FAM219A: variants seen among roughly 807,000 people sequenced by gnomAD.
FAM219A encodes family with sequence similarity 219 member A, also known as protein FAM219A.
FAM219A carries 7 observed loss-of-function variants against 23.4 expected under a neutral mutation model. The ratio of observed to expected loss-of-function variants is 0.30; its 90% confidence interval spans 0.17 to 0.56. FAM219A has a LOEUF of 0.56. FAM219A is among the 20% of genes least tolerant of loss of function. The pLI is 0.92. For missense variants in FAM219A, 166 were observed against 246.9 expected, an observed-to-expected ratio of 0.67 and a Z score of 2.20; for synonymous variants, 93 against 99.0, an observed-to-expected ratio of 0.94 and a Z score of 0.36.
At chr9:34,448,994 G>GAA (rs55976326) in intron 1 of FAM219A, among the ~76,000 whole-genome samples, 104 of 142,472 alleles carry the variant, frequency 7.3e-4, no homozygotes, top group Admixed American at 1.4e-3. Flanking sequence ...AAAACTATCG[G>GAA]AAAAAAAAAA....
chr9:34,400,846 TGGCGGCTGTAGG>T lies in FAM219A; in HGVS notation c.*106_*117del, dbSNP rs1382636398. The T allele has an allele frequency of 1.4e-5, 15 of 1,036,642 alleles. No homozygotes were observed. Among genetic ancestry groups the T allele is most frequent in the African/African-American group, 1.7e-5 (1 of 59,736 alleles). 64.2% of individuals were successfully genotyped at this position (1,036,642 alleles called of 1,614,324 possible). A position where few individuals can be genotyped will look rare whatever the true frequency, so the allele number is the denominator to read the frequency against. On this transcript the variant is annotated 3_prime_UTR_variant, in exon 6 of 6. Coordinates refer to ENST00000651358, the MANE Select transcript of FAM219A (RefSeq NM_001184940.2). ...GGAAGCAATGACTGTTATACGAGGT[TGGCGGCTGTAGG>T]GGCGCGGGGCCGGGGGCAGGCAGAC...
chr9:34,416,713 G>A (rs995007054), intron 1 of FAM219A, among the ~76,000 whole-genome samples: 1 of 150,326 alleles, frequency 6.7e-6, no homozygotes, highest in Non-Finnish European at 1.5e-5. Context: ...ACTTCAGCCT[G>A]GGCAACAAAG....
chr9:34,403,760 G>A (rs1821534600), intron 2 of FAM219A, among the ~76,000 whole-genome samples: 1 of 152,178 alleles, frequency 6.6e-6, no homozygotes, highest in Admixed American at 6.6e-5. Context: ...GGGACACTAG[G>A]GAAAATGACT....
At chr9:34,438,555 T>C (rs1316073979) in intron 1 of FAM219A, among the ~76,000 whole-genome samples, 1 of 152,158 alleles carries the variant, frequency 6.6e-6, no homozygotes, top group African/African-American at 2.4e-5. Context: ...TTGGAGAACC[T>C]TTATGTCTAG....
chr9:34,432,064 T>C (rs1258595021), intron 1 of FAM219A, among the ~76,000 whole-genome samples: 2 of 152,242 alleles, frequency 1.3e-5, no homozygotes, highest in Non-Finnish European at 2.9e-5. Context: ...ATAGTACCTG[T>C]AGCTTCCAGC....
intron 1 of FAM219A, among the ~76,000 whole-genome samples, chr9:34,414,779 T>C (rs757358468): frequency 2.0e-5 from 3 of 152,174 alleles, no homozygotes; most frequent in Non-Finnish European, 4.4e-5. Context: ...AGTCTTCTCT[T>C]ATCAGTCTAA....
intron 1 of FAM219A, among the ~76,000 whole-genome samples, chr9:34,443,772 C>T (rs1324022223): frequency 6.6e-6 from 1 of 152,116 alleles, no homozygotes; most frequent in Non-Finnish European, 1.5e-5. Flanking sequence ...TTTCCCCACC[C>T]CCTCAAGCAT....
chr9:34,443,892 G>C (rs1185868697), intron 1 of FAM219A, among the ~76,000 whole-genome samples: 1 of 152,222 alleles, frequency 6.6e-6, no homozygotes, highest in East Asian at 1.9e-4. Flanking sequence ...GAAGTTGATA[G>C]GGAGGCTAAC....
chr9:34,401,589 C>T, intron 5 of FAM219A, 77 bp downstream of exon 5: 1 of 1,510,894 alleles, frequency 6.6e-7, no homozygotes, highest in Non-Finnish European at 9.0e-7. Flanking sequence ...TGTACTTGGG[C>T]ATTGGCCCCA....
At chr9:34,437,917 G>A (rs1014375121) in intron 1 of FAM219A, among the ~76,000 whole-genome samples, 1 of 152,248 alleles carries the variant, frequency 6.6e-6, no homozygotes, top group African/African-American at 2.4e-5. Flanking sequence ...TTGCAGGGAG[G>A]TGTGGAGGGA....
At chr9:34,444,358 C>G (rs1032423858) in intron 1 of FAM219A, among the ~76,000 whole-genome samples, 1 of 152,202 alleles carries the variant, frequency 6.6e-6, no homozygotes, top group Admixed American at 6.5e-5. Context: ...TCTTCCTTTC[C>G]TCCAAGATCC....
chr9:34,444,426 T>G (rs944201997), intron 1 of FAM219A, among the ~76,000 whole-genome samples: 4 of 152,184 alleles, frequency 2.6e-5, no homozygotes, highest in Non-Finnish European at 4.4e-5. Context: ...GTTGGAAGAC[T>G]CAGGTAGGAG....
intron 1 of FAM219A, among the ~76,000 whole-genome samples, chr9:34,413,223 C>A (rs1359118236): frequency 1.4e-5 from 2 of 144,822 alleles, no homozygotes; most frequent in African/African-American, 5.2e-5. Context: ...AACATGGAGG[C>A]AGAAAGGGGG....
At chr9:34,450,213 T>C (rs561149760) in intron 1 of FAM219A, among the ~76,000 whole-genome samples, 1 of 151,210 alleles carries the variant, frequency 6.6e-6, no homozygotes, top group South Asian at 2.1e-4. Flanking sequence ...CTCAGGAGGC[T>C]GAGGCAGGAG....
At chr9:34,413,498 A>G (rs1821898271) in intron 1 of FAM219A, among the ~76,000 whole-genome samples, 1 of 152,252 alleles carries the variant, frequency 6.6e-6, no homozygotes, top group Admixed American at 6.5e-5. Context: ...ACATGATTCA[A>G]TATCAGCCTT....
intron 1 of FAM219A, among the ~76,000 whole-genome samples, chr9:34,421,361 G>C (rs1326636482): frequency 6.6e-6 from 1 of 152,092 alleles, no homozygotes; most frequent in Non-Finnish European, 1.5e-5. Context: ...TTAGGGGTGA[G>C]GCTAGCCAGT....
At chr9:34,441,715 G>T (rs1823180735) in intron 1 of FAM219A, among the ~76,000 whole-genome samples, 1 of 152,086 alleles carries the variant, frequency 6.6e-6, no homozygotes, top group Non-Finnish European at 1.5e-5. Flanking sequence ...TAGGTGAAAG[G>T]CTGAAGGGGG....
intron 1 of FAM219A, among the ~76,000 whole-genome samples, chr9:34,436,263 TGA>T (rs1359380409): frequency 6.6e-6 from 1 of 152,088 alleles, no homozygotes; most frequent in East Asian, 1.9e-4. Flanking sequence ...GGGTTTTTTT[TGA>T]GACAAGGTCT....
chr9:34,412,491 G>A (rs1424443152), intron 1 of FAM219A, among the ~76,000 whole-genome samples: 2 of 152,008 alleles, frequency 1.3e-5, no homozygotes, highest in Non-Finnish European at 2.9e-5. Context: ...TGGACACCCA[G>A]ATGATACCAC....
Sources: allele counts gnomAD v4.1 joint callset (sites outside exome capture counted in the v4.1 genomes callset), GRCh38; gene constraint gnomAD v4.1.1; transcripts MANE v1.5; gene names NCBI Gene and HGNC (gene_info 2026-07-23, HGNC 2026-07-21).